Variants in KCNG3 observed in about 807,000 individuals in gnomAD.
KCNG3 encodes voltage-gated potassium channel regulatory subunit KCNG3.
A neutral mutation model predicts 29.0 loss-of-function variants in KCNG3; 15 were observed. The observed-to-expected ratio is 0.52, with a 90% CI of 0.35 to 0.80. KCNG3 has a LOEUF of 0.80. Among genes scored for constraint, KCNG3 ranks in the 30% least tolerant of loss-of-function variants. The pLI is 0.01. For synonymous variants in KCNG3, 322 were observed against 248.9 expected, an observed-to-expected ratio of 1.29 and a Z score of -2.76; for missense variants, 512 against 605.7, an observed-to-expected ratio of 0.85 and a Z score of 1.62.
At chr2:42,402,121 G>C in the KCNG3 span, among the ~76,000 whole-genome samples, 1 of 152,144 alleles carries the variant, frequency 6.6e-6, no homozygotes, top group Non-Finnish European at 1.5e-5. Flanking sequence ...AAACTGAATA[G>C]AACACAAAAG....
the KCNG3 span, among the ~76,000 whole-genome samples, chr2:42,393,646 C>A: frequency 6.6e-6 from 1 of 152,196 alleles, no homozygotes. Context: ...AGACTCCTAT[C>A]TTTCTGTTGC....
chr2:42,439,331 A>G (rs1389904964), downstream of KCNG3, among the ~76,000 whole-genome samples: 3 of 151,866 alleles, frequency 2.0e-5, no homozygotes, highest in Non-Finnish European at 4.4e-5. Flanking sequence ...GCACGATCTC[A>G]GCTCACTGGA....
chr2:42,491,664 G>C (rs549823466), intron 1 of KCNG3, among the ~76,000 whole-genome samples: 7 of 152,130 alleles, frequency 4.6e-5, no homozygotes, highest in Admixed American at 3.3e-4. Flanking sequence ...ATGTATCTTC[G>C]ATTTCAAGCC....
At chr2:42,452,129 C>T (rs953092454) in intron 1 of KCNG3, among the ~76,000 whole-genome samples, 9 of 148,616 alleles carry the variant, frequency 6.1e-5, no homozygotes, top group Non-Finnish European at 1.3e-4. Context: ...TTCATGGGTA[C>T]GTAGTAGGTG....
intron 1 of KCNG3, among the ~76,000 whole-genome samples, chr2:42,474,355 C>G (rs950582423): frequency 2.0e-5 from 3 of 151,906 alleles, no homozygotes; most frequent in East Asian, 3.9e-4. Flanking sequence ...TGGTGAAACC[C>G]TGTCTCTACT....
the KCNG3 span, among the ~76,000 whole-genome samples, chr2:42,409,533 T>A: frequency 7.4e-4 from 112 of 151,254 alleles, no homozygotes; most frequent in African/African-American, 1.9e-3. Context: ...GTGAAACCTG[T>A]CTCTACAAAA....
At chr2:42,400,772 T>C in the KCNG3 span, among the ~76,000 whole-genome samples, 1 of 151,556 alleles carries the variant, frequency 6.6e-6, no homozygotes, top group Non-Finnish European at 1.5e-5. Flanking sequence ...ATTATCCCAC[T>C]GGAAAAAATG....
chr2:42,435,016 A>G, the KCNG3 span, among the ~76,000 whole-genome samples: 3 of 152,176 alleles, frequency 2.0e-5, no homozygotes, highest in Non-Finnish European at 4.4e-5. Context: ...CTTAAGAGAA[A>G]ACAGGGCTGG....
the KCNG3 span, among the ~76,000 whole-genome samples, chr2:42,425,812 G>C: frequency 6.6e-6 from 1 of 152,180 alleles, no homozygotes; most frequent in African/African-American, 2.4e-5. Context: ...CAGAGACATT[G>C]TCACAGCCAG....
chr2:42,434,823 G>A, the KCNG3 span, among the ~76,000 whole-genome samples: 3 of 152,014 alleles, frequency 2.0e-5, no homozygotes, highest in African/African-American at 7.3e-5. Context: ...ACACATCTAT[G>A]GTCAATTGAT....
intron 1 of KCNG3, chr2:42,463,154 T>A (rs1401729248): frequency 8.8e-6 from 3 of 341,180 alleles, no homozygotes; most frequent in Non-Finnish European, 1.7e-5. Context: ...GAAATTCTAA[T>A]CCTAGACCAA....
At chr2:42,421,336 T>C in the KCNG3 span, among the ~76,000 whole-genome samples, 2 of 151,946 alleles carry the variant, frequency 1.3e-5, no homozygotes, top group Non-Finnish European at 2.9e-5. Flanking sequence ...TAAAGAAAGA[T>C]CAACAGGATG....
chr2:42,464,512 C>G (rs1673093639), intron 1 of KCNG3, among the ~76,000 whole-genome samples: 1 of 152,220 alleles, frequency 6.6e-6, no homozygotes. Context: ...CTCGAATACT[C>G]TGAGTACTGA....
intron 1 of KCNG3, among the ~76,000 whole-genome samples, chr2:42,480,845 G>A (rs1281711420): frequency 1.3e-5 from 2 of 150,924 alleles, no homozygotes; most frequent in Non-Finnish European, 2.9e-5. Context: ...GTGCAGTGGC[G>A]TGATCTTGGC....
At chr2:42,461,285 T>C (rs1052033993) in intron 1 of KCNG3, among the ~76,000 whole-genome samples, 1 of 150,366 alleles carries the variant, frequency 6.7e-6, no homozygotes, top group African/African-American at 2.4e-5. Flanking sequence ...TTCATTACGC[T>C]CTAACAGAGG....
At chr2:42,391,595 CTT>C in the KCNG3 span, among the ~76,000 whole-genome samples, 8 of 88,110 alleles carry the variant, frequency 9.1e-5, no homozygotes, top group African/African-American at 3.4e-4. Flanking sequence ...TTTTATATCT[CTT>C]TTTTTTTTTT....
chr2:42,425,116 A>T, the KCNG3 span: 50 of 151,904 alleles, frequency 3.3e-4, no homozygotes, highest in African/African-American at 1.2e-3. Context: ...TGCTTCCGGC[A>T]GGGTGGAAGC....
At chr2:42,479,400 T>C (rs1276262759) in intron 1 of KCNG3, among the ~76,000 whole-genome samples, 1 of 152,096 alleles carries the variant, frequency 6.6e-6, no homozygotes, top group African/African-American at 2.4e-5. Context: ...TCCCAACACT[T>C]TGGGAGGCCA....
At chr2:42,395,560 T>A in the KCNG3 span, among the ~76,000 whole-genome samples, 3 of 152,342 alleles carry the variant, frequency 2.0e-5, no homozygotes, top group African/African-American at 7.2e-5. Context: ...TTGGACAATG[T>A]CCTTATTTAT....
Sources: allele counts gnomAD v4.1 joint callset (sites outside exome capture counted in the v4.1 genomes callset), GRCh38; gene constraint gnomAD v4.1.1; transcripts MANE v1.5; gene names NCBI Gene and HGNC (gene_info 2026-07-23, HGNC 2026-07-21).